Variants in TCF20 observed in about 807,000 individuals in gnomAD.
TCF20 encodes the protein transcription factor 20, also known as SPRE-binding protein.
In TCF20, 3 loss-of-function variants were observed where a neutral mutation model predicts 148.6. The observed-to-expected ratio is 0.02, with a 90% CI of 0.01 to 0.05. TCF20 has a LOEUF of 0.05. Ranked by LOEUF, TCF20 falls within the 10% of genes least tolerant of loss-of-function variation. The pLI is 1.00. For missense variants in TCF20, 2,350 were observed against 2,429.3 expected, an observed-to-expected ratio of 0.97 and a Z score of 0.69; for synonymous variants, 1,049 against 909.5, an observed-to-expected ratio of 1.15 and a Z score of -2.76.
intron 1 of TCF20, among the ~76,000 whole-genome samples, chr22:42,305,769 G>A (rs984149132): frequency 6.6e-6 from 1 of 151,700 alleles, no homozygotes; most frequent in Non-Finnish European, 1.5e-5. Context: ...TGCCTCCCCC[G>A]TGGCTGGGAG....
chr22:42,336,981 C>T (rs960342153), intron 1 of TCF20, among the ~76,000 whole-genome samples: 20 of 152,242 alleles, frequency 1.3e-4, no homozygotes, highest in African/African-American at 4.6e-4. Flanking sequence ...TCCCCATCAG[C>T]CTGGGAGTTG....
At chr22:42,204,893 T>C (rs1938284225) in intron 2 of TCF20, among the ~76,000 whole-genome samples, 1 of 151,518 alleles carries the variant, frequency 6.6e-6, no homozygotes, top group Non-Finnish European at 1.5e-5. Flanking sequence ...CCAGTTAACA[T>C]ATACTGTCAG....
chr22:42,284,343 T>C (rs918313025), upstream of TCF20, among the ~76,000 whole-genome samples: 5 of 152,266 alleles, frequency 3.3e-5, no homozygotes, highest in Non-Finnish European at 7.3e-5. Flanking sequence ...CGCAGCTCAC[T>C]GCTGTGCTTG....
At chr22:42,173,688 C>T (rs527610705) in intron 3 of TCF20, among the ~76,000 whole-genome samples, 2 of 152,270 alleles carry the variant, frequency 1.3e-5, no homozygotes, top group South Asian at 2.1e-4. Context: ...ATAATACAAG[C>T]GTCCATCCCC....
intron 1 of TCF20, among the ~76,000 whole-genome samples, chr22:42,255,063 G>A (rs754787125): frequency 6.6e-6 from 1 of 151,706 alleles, no homozygotes; most frequent in Non-Finnish European, 1.5e-5. Context: ...GGTGACCTTG[G>A]GCAAGTCACT....
At chr22:42,231,283 G>A (rs972969512) in intron 1 of TCF20, among the ~76,000 whole-genome samples, 1 of 152,168 alleles carries the variant, frequency 6.6e-6, no homozygotes, top group Non-Finnish European at 1.5e-5. Context: ...AGGAGTTTGA[G>A]ACCAGCCTGG....
chr22:42,195,396 A>G (rs1268064852), intron 2 of TCF20, among the ~76,000 whole-genome samples: 2 of 152,072 alleles, frequency 1.3e-5, no homozygotes, highest in Admixed American at 1.3e-4. Context: ...AGGAAAACAA[A>G]AATCAGTCTC....
At chr22:42,174,703 A>C (rs1198616413) in intron 3 of TCF20, among the ~76,000 whole-genome samples, 1 of 151,842 alleles carries the variant, frequency 6.6e-6, no homozygotes, top group Non-Finnish European at 1.5e-5. Flanking sequence ...ACACAGTGAG[A>C]CCCTGTCTCA....
At chr22:42,188,229 G>A (rs563466060) in intron 2 of TCF20, among the ~76,000 whole-genome samples, 2 of 141,184 alleles carry the variant, frequency 1.4e-5, no homozygotes, top group South Asian at 2.3e-4. Context: ...GGGAGGTGGA[G>A]GTTGCAGTGA....
At chr22:42,244,862 T>C (rs1196495521) in intron 1 of TCF20, among the ~76,000 whole-genome samples, 1 of 152,086 alleles carries the variant, frequency 6.6e-6, no homozygotes, top group Non-Finnish European at 1.5e-5. Context: ...GGAGGATCAC[T>C]TGAGTTCAGG....
At chr22:42,162,141 C>T (rs571028318) in intron 5 of TCF20, among the ~76,000 whole-genome samples, 5 of 151,800 alleles carry the variant, frequency 3.3e-5, no homozygotes, top group East Asian at 3.9e-4. Context: ...CCACCACACC[C>T]GGCTAATTTT....
chr22:42,274,551 C>G (rs1439354417), upstream of TCF20: 1 of 152,530 alleles, frequency 6.6e-6, no homozygotes, highest in East Asian at 1.9e-4. Context: ...CCCAGGAGGA[C>G]TGTGCCCAGT....
At chr22:42,251,927 G>C (rs1925403315) in intron 1 of TCF20, among the ~76,000 whole-genome samples, 1 of 152,046 alleles carries the variant, frequency 6.6e-6, no homozygotes. Context: ...TTTTAGGCCA[G>C]GCGCAGTGGC....
At chr22:42,232,609 C>T (rs975868374) in intron 1 of TCF20, among the ~76,000 whole-genome samples, 15 of 151,980 alleles carry the variant, frequency 9.9e-5, no homozygotes, top group African/African-American at 3.6e-4. Context: ...GGGCGGATCA[C>T]GAGGTCAGGA....
At chr22:42,209,491 C>G (rs1920923581) in intron 2 of TCF20, among the ~76,000 whole-genome samples, 160 bp downstream of exon 2, 1 of 152,192 alleles carries the variant, frequency 6.6e-6, no homozygotes, top group Non-Finnish European at 1.5e-5. Context: ...GAAGTCTATA[C>G]AAATCTTCCA....
At chr22:42,216,092 T>TTTC (rs1921763413) in intron 1 of TCF20, among the ~76,000 whole-genome samples, 1 of 129,880 alleles carries the variant, frequency 7.7e-6, no homozygotes, top group Non-Finnish European at 1.6e-5. Context: ...TTTTTTTTTT[T>TTTC]TTTTTTTTTT....
chr22:42,260,089 G>T (rs560062417), intron 1 of TCF20, among the ~76,000 whole-genome samples: 1 of 152,212 alleles, frequency 6.6e-6, no homozygotes, highest in East Asian at 1.9e-4. Flanking sequence ...ACCTTTCAGA[G>T]AAGGTCACAT....
upstream of TCF20, among the ~76,000 whole-genome samples, chr22:42,287,594 C>T (rs1041070867): frequency 3.3e-5 from 5 of 152,166 alleles, no homozygotes; most frequent in Non-Finnish European, 7.3e-5. Context: ...GAAAGCACAG[C>T]CAAGCCCAAG....
chr22:42,219,149 TGAG>T (rs1447245415), intron 1 of TCF20, among the ~76,000 whole-genome samples: 8 of 151,222 alleles, frequency 5.3e-5, no homozygotes, highest in African/African-American at 9.7e-5. Flanking sequence ...TTTGGGAGGC[TGAG>T]GTGTGAGGAT....
Sources: allele counts gnomAD v4.1 joint callset (sites outside exome capture counted in the v4.1 genomes callset), GRCh38; gene constraint gnomAD v4.1.1; transcripts MANE v1.5; gene names NCBI Gene and HGNC (gene_info 2026-07-23, HGNC 2026-07-21).